DBF4B: variants seen among roughly 807,000 people sequenced by gnomAD.
The protein encoded by DBF4B is DBF4B-CDC7 kinase regulatory subunit.
DBF4B carries 49 observed loss-of-function variants against 53.4 expected under a neutral mutation model. That is an observed-to-expected ratio of 0.92 (90% CI 0.73 to 1.16). The LOEUF is 1.16. DBF4B is among the 50% of genes most tolerant of loss of function. DBF4B has a pLI of 0.00. For synonymous variants in DBF4B, 257 were observed against 288.7 expected (o/e 0.89, Z 1.11); for missense variants, 692 against 775.0 (o/e 0.89, Z 1.27).
At chr17:44,741,767 G>T (rs72826861) in intron 10 of DBF4B, among the ~76,000 whole-genome samples, 2 of 152,148 alleles carry the variant, frequency 1.3e-5, no homozygotes, top group East Asian at 3.9e-4. Flanking sequence ...TACCCTGTCC[G>T]CCCAGAACCC....
chr17:44,748,887 C>T (rs776254158), intron 13 of DBF4B: 92 of 1,290,266 alleles, frequency 7.1e-5, no homozygotes, highest in Non-Finnish European at 8.8e-5. Flanking sequence ...AGCCCTTGTG[C>T]CACTCACAGA....
Position 44,708,848 on chromosome 17 carries a change from G to A in DBF4B, c.19+9G>A, listed in dbSNP as rs1375051044. On this transcript the variant is annotated intron_variant, in intron 1 of 13. Coordinates refer to ENST00000315005, the MANE Select transcript of DBF4B (RefSeq NM_145663.3). Reference sequence around the variant, plus strand: ...GAGCGAACCGGGAAAGGGTACGGATGCCGGGAAGGGGAGAAAGAAAGGCGG... The same window carrying A: ...GAGCGAACCGGGAAAGGGTACGGATACCGGGAAGGGGAGAAAGAAAGGCGG... 1 of 1,551,376 alleles carries A rather than the reference G, an allele frequency of 6.4e-7. No homozygotes were observed. The highest frequency in any genetic ancestry group is 8.7e-7 in the Non-Finnish European group (1 of 1,146,920).
intron 13 of DBF4B, chr17:44,750,261 CATT>C: frequency 3.8e-6 from 4 of 1,057,408 alleles, no homozygotes; most frequent in Non-Finnish European, 4.6e-6. Flanking sequence ...CTTTTTCTTT[CATT>C]ACAATTTGTA....
chr17:44,717,884 T>C (rs1973465099), intron 2 of DBF4B, among the ~76,000 whole-genome samples: 1 of 151,250 alleles, frequency 6.6e-6, no homozygotes, highest in Non-Finnish European at 1.5e-5. Flanking sequence ...GGTATGGTGG[T>C]GCGTGACATG....
rs1200162200 is a variant in DBF4B, at chr17:44,749,813, C to G, written c.1190-782C>G. On this transcript the variant is annotated intron_variant, in intron 13 of 13. Coordinates refer to ENST00000315005, the MANE Select transcript of DBF4B (RefSeq NM_145663.3). This position sits in a 1 kb window ranked among gnomAD's most constrained non-coding sequence, Gnocchi z 4.4. ...GGTTAGCTGTTGGTGTGCTCCACCCCCAACCCCGGCCTCCTTTCTCACGAG... is the reference window on the plus strand; with the variant it reads ...GGTTAGCTGTTGGTGTGCTCCACCCGCAACCCCGGCCTCCTTTCTCACGAG... 9.6e-6 allele frequency: 10 copies of G among 1,043,476 alleles called. No homozygotes were observed. The highest frequency in any genetic ancestry group is 8.0e-5 in the East Asian group (1 of 12,434). The allele number at this position is 1,043,476 out of a possible 1,614,324, so 64.6% of individuals were successfully genotyped here. A position where few individuals can be genotyped will look rare whatever the true frequency, so the allele number is the denominator to read the frequency against.
intron 7 of DBF4B, among the ~76,000 whole-genome samples, chr17:44,736,171 A>G (rs566880563): frequency 1.4e-5 from 2 of 148,052 alleles, no homozygotes; most frequent in East Asian, 4.0e-4. Flanking sequence ...TTTTTTAAAG[A>G]TAGGGTCTTA....
chr17:44,708,813 G>C lies in DBF4B; in HGVS notation c.-8G>C. 1.3e-6 allele frequency: 2 copies of C among 1,551,308 alleles called. No homozygotes were observed. Among genetic ancestry groups the C allele is most frequent in the Admixed American group, 2.0e-5 (1 of 50,908 alleles). ...GGAGTACGGAGGCCGAGAAGGAGCC[G>C]GCATTTGATGAGCGAACCGGGAAAG... On this transcript the variant is annotated 5_prime_UTR_variant, in exon 1 of 14. Transcript: ENST00000315005.
rs765455597 is a variant in DBF4B at position 44,732,194 on chromosome 17, G to A, written c.485G>A (p.Gly162Glu). The change falls in exon 6 of 14, where the codon GGA (glycine) becomes GAA (glutamate). Residue 162 changes from glycine to glutamate, a missense_variant. Physicochemically the swap from Gly to Glu is moderately conservative, Grantham distance 98. This residue lies in a region of DBF4B where 597 missense variants were observed against 665.8 expected (regional missense o/e 0.90). Coordinates refer to ENST00000315005, the MANE Select transcript of DBF4B (RefSeq NM_145663.3). ...AIRNQGSISG[G>E]GSGGSSSLLT... is the part of the protein sequence containing the mutation. ...TAATTTCAGGGGAGCATCAGTGGAG[G>A]AGGCAGTGGGGGCAGCAGCAGCCTC... 6.2e-7 allele frequency: 1 copy of A among 1,614,098 alleles called. No individual in the cohort carries two copies. Among genetic ancestry groups the A allele is most frequent in the East Asian group, 2.2e-5 (1 of 44,886 alleles).
chr17:44,723,040 C>T lies in DBF4B; in HGVS notation c.225+18C>T, dbSNP rs2144852181. The T allele has an allele frequency of 6.2e-7, 1 of 1,613,460 alleles. No individual in the cohort carries two copies. The highest frequency in any genetic ancestry group is 2.2e-5 in the East Asian group (1 of 44,882). ...TGGGTGGGGTAGGTAACCTGCTCTT[C>T]TCCTGCGATGCCATGTGCCTTTGCA... is the stretch of plus-strand genomic sequence containing the variant. On this transcript the variant is annotated intron_variant, in intron 3 of 13. Transcript: ENST00000315005.
intron 2 of DBF4B, among the ~76,000 whole-genome samples, chr17:44,710,355 G>A (rs1433458361): frequency 6.6e-6 from 1 of 152,012 alleles, no homozygotes; most frequent in African/African-American, 2.4e-5. Flanking sequence ...GTTTTCAAAA[G>A]GAGGCTTTGT....
intron 11 of DBF4B, 69 bp from the exon 12 acceptor site, chr17:44,747,322 G>A: frequency 1.9e-6 from 3 of 1,603,980 alleles, no homozygotes; most frequent in African/African-American, 1.3e-5. Context: ...TGGGCTGGGA[G>A]GTCAGCTTCC....
chr17:44,709,763 A>G (rs1972696466), intron 2 of DBF4B, among the ~76,000 whole-genome samples: 1 of 152,148 alleles, frequency 6.6e-6, no homozygotes, highest in South Asian at 2.1e-4. Flanking sequence ...CTTATTAAAT[A>G]TATAAATTAA....
Position 44,714,445 on chromosome 17 carries a change from ATG to A in DBF4B, c.82+5082_82+5083del, listed in dbSNP as rs567845804. ...TCAACATTTATCCATCTATATGCCG[ATG>A]TGGTAACAGTCTCTGTATGTTTTTT... is the stretch of plus-strand genomic sequence containing the variant. On this transcript the variant is annotated intron_variant, in intron 2 of 13. Coordinates refer to ENST00000315005, the MANE Select transcript of DBF4B (RefSeq NM_145663.3). Among the ~76,000 whole-genome samples, 453 of 152,228 alleles carry A rather than the reference ATG, an allele frequency of 3.0e-3. 2 individuals carry two copies. The highest frequency in any genetic ancestry group is 0.011 in the African/African-American group (439 of 41,548).
chr17:44,723,592 T>TGGTTTC (rs1974041199), intron 3 of DBF4B, among the ~76,000 whole-genome samples: 1 of 151,862 alleles, frequency 6.6e-6, no homozygotes, highest in Admixed American at 6.6e-5. Flanking sequence ...ACCCTGTCTC[T>TGGTTTC]ACTAAAAATA....
chr17:44,723,757 TA>T (rs962253523), intron 3 of DBF4B, among the ~76,000 whole-genome samples: 189 of 137,808 alleles, frequency 1.4e-3, no homozygotes, highest in Middle Eastern at 3.6e-3. Flanking sequence ...AGACTCTGTA[TA>T]AAAAAAAAAA....
At chr17:44,714,950 A>G (rs1021196285) in intron 2 of DBF4B, among the ~76,000 whole-genome samples, 1 of 152,122 alleles carries the variant, frequency 6.6e-6, no homozygotes, top group Non-Finnish European at 1.5e-5. Flanking sequence ...AATATTGGCT[A>G]CAATGTAAGT....
chr17:44,750,735 C>G lies in DBF4B; in HGVS notation c.1330C>G (p.Leu444Val). The change falls in exon 14 of 14, where the codon CTC becomes GTC. Residue 444 changes from leucine to valine, a missense_variant. Leu to Val is a conservative substitution (Grantham distance 32). Transcript: ENST00000315005. ...CAAGGGCTCCAGGGAGCAGGGCTGC[C>G]TCTGTCCCTGCCCAGCCTCCTTTAC... Reference protein sequence around the residue: ...LPKGSREQGCLCPCPASFTQS... With the variant: ...LPKGSREQGCVCPCPASFTQS... 1 of 1,614,176 alleles carries G rather than the reference C, an allele frequency of 6.2e-7. No homozygotes were observed. Among genetic ancestry groups the G allele is most frequent in the Non-Finnish European group, 8.5e-7 (1 of 1,180,036 alleles).
chr17:44,747,973 G>T (rs1469235820), intron 12 of DBF4B, among the ~76,000 whole-genome samples: 1 of 152,130 alleles, frequency 6.6e-6, no homozygotes, highest in Non-Finnish European at 1.5e-5. Context: ...CTCCCACCTG[G>T]GGCTGTGGCT....
At chr17:44,710,976 A>ATTTT (rs10522434) in intron 2 of DBF4B, among the ~76,000 whole-genome samples, 5 of 98,304 alleles carry the variant, frequency 5.1e-5, no homozygotes, top group Non-Finnish European at 9.6e-5. Context: ...TTCCAGTTTG[A>ATTTT]TTTTTTTTTT....
Sources: gnomAD v4.1 joint callset for allele counts (sites outside exome capture counted in the v4.1 genomes callset) on GRCh38, gnomAD v4.1.1 for gene constraint, gnomAD v4.1.1 regional missense constraint, Gnocchi (gnomAD v3.1) non-coding constraint, MANE v1.5 for transcripts, NCBI Gene and HGNC (gene_info 2026-07-23, HGNC 2026-07-21) for gene names.